Variants in EIF3K observed in about 807,000 individuals in gnomAD.
EIF3K encodes the protein eukaryotic translation initiation factor 3 subunit K, also known as eIF-3 p28.
Under a neutral mutation model 34.2 loss-of-function variants are expected in EIF3K, and 27 were observed. The ratio of observed to expected loss-of-function variants is 0.79; its 90% CI spans 0.58 to 1.09. The LOEUF (loss-of-function observed/expected upper bound fraction) is 1.09. Ranked by LOEUF, EIF3K falls within the 50% of genes least tolerant of loss-of-function variation. The pLI is 0.00. For missense variants in EIF3K, 232 were observed against 275.4 expected (o/e 0.84, Z 1.11); for synonymous variants, 105 against 105.7 (o/e 0.99, Z 0.04).
chr19:38,636,713 T>G (rs1471395835), intron 7 of EIF3K, among the ~76,000 whole-genome samples, 176 bp from the exon 8 acceptor site: 1 of 152,154 alleles, frequency 6.6e-6, no homozygotes, highest in Non-Finnish European at 1.5e-5. Flanking sequence ...AACCTAGCCC[T>G]CCTTGCTCCA....
At chr19:38,631,809 A>G (rs1043853329) in intron 4 of EIF3K, among the ~76,000 whole-genome samples, 1 of 152,220 alleles carries the variant, frequency 6.6e-6, no homozygotes, top group Non-Finnish European at 1.5e-5. Flanking sequence ...GGTCTTCCGC[A>G]GTGTTTGTGT....
In EIF3K at chr19:38,634,221, C is replaced by T. The variant is rs553342748; in HGVS notation, c.500-772C>T. Among the ~76,000 whole-genome samples the T allele has an allele frequency of 9.7e-4, 145 of 149,000 alleles. 2 individuals carry two copies. Among genetic ancestry groups the T allele is most frequent in the African/African-American group, 3.5e-3 (142 of 40,620 alleles). On this transcript the variant is annotated intron_variant, in intron 6 of 7. Coordinates refer to ENST00000248342, the MANE Select transcript of EIF3K (RefSeq NM_013234.4). ...AAACAATTCTCCTGCCTCAGCCTTC[C>T]AAATAGCTGAGACTATAGGCCTCTG... is the stretch of plus-strand genomic sequence containing the variant.
intron 2 of EIF3K, 90 bp downstream of exon 2, chr19:38,620,525 C>T: frequency 9.4e-7 from 1 of 1,068,490 alleles, no homozygotes; most frequent in Non-Finnish European, 1.4e-6. Context: ...CTGGTAGTAT[C>T]CTGAACAATG....
rs530376916 is a variant in EIF3K, at chr19:38,633,775, C to G, written c.499+1097C>G. Among the ~76,000 whole-genome samples, 3 of 152,036 alleles carry G rather than the reference C, an allele frequency of 2.0e-5. No individual in the cohort carries two copies. The South Asian group carries it at 6.2e-4, about 32-fold the overall frequency. ...ATCACGTGAGGTCAGGAGTTCGAGA[C>G]CAGCCTGGCCAACATGGGGAAACCC... On this transcript the variant is annotated intron_variant, in intron 6 of 7. Coordinates refer to ENST00000248342, the MANE Select transcript of EIF3K (RefSeq NM_013234.4).
At chr19:38,629,711 T>A (rs900063194) in intron 4 of EIF3K, among the ~76,000 whole-genome samples, 1 of 152,108 alleles carries the variant, frequency 6.6e-6, no homozygotes, top group African/African-American at 2.4e-5. Context: ...AGCAGAAATC[T>A]GAAGGAGGTG....
chr19:38,619,205 C>A lies in EIF3K; in HGVS notation c.-64C>A. On this transcript the variant is annotated 5_prime_UTR_variant, in exon 1 of 8. Coordinates refer to ENST00000248342, the MANE Select transcript of EIF3K (RefSeq NM_013234.4). ...TCCACCACCTCTTCCTGTTCCCGTC[C>A]TTGAGGACGCCGTGCCGGGTCAGTG... The A allele has an allele frequency of 6.3e-7, 1 of 1,584,352 alleles. No homozygotes were observed. The highest frequency in any genetic ancestry group is 8.6e-7 in the Non-Finnish European group (1 of 1,156,654).
chr19:38,634,546 C>G (rs1383185641), intron 6 of EIF3K, among the ~76,000 whole-genome samples: 1 of 151,100 alleles, frequency 6.6e-6, no homozygotes, highest in Non-Finnish European at 1.5e-5. Flanking sequence ...TGCAGTGAGC[C>G]GAGATTGCGC....
intron 4 of EIF3K, among the ~76,000 whole-genome samples, chr19:38,630,347 ATT>A (rs71165567): frequency 4.0e-5 from 5 of 124,320 alleles, no homozygotes; most frequent in Non-Finnish European, 5.2e-5. Context: ...TTATTTATTT[ATT>A]TTTTTTTTTT....
intron 4 of EIF3K, among the ~76,000 whole-genome samples, chr19:38,626,963 A>G (rs1975963676): frequency 6.6e-6 from 1 of 151,832 alleles, no homozygotes; most frequent in African/African-American, 2.4e-5. Flanking sequence ...ATCATGCCCA[A>G]CTAAATTTTA....
chr19:38,619,405 C>A, intron 1 of EIF3K, 78 bp downstream of exon 1: 1 of 1,547,034 alleles, frequency 6.5e-7, no homozygotes, highest in East Asian at 2.3e-5. Context: ...AAGGGGTGTT[C>A]AGGGTCCTGG....
chr19:38,624,111 G>A lies in EIF3K; in HGVS notation c.193G>A (p.Val65Ile). Residue 65 changes from valine to isoleucine, a missense_variant, in exon 3 of 8, where the codon GTC (valine) becomes ATC (isoleucine). Transcript: ENST00000248342. Reference protein sequence around the residue: ...QFNPAFFQTTVTAQILLKALT... With the variant: ...QFNPAFFQTTITAQILLKALT... ...CAACCCAGCCTTCTTTCAGACCACG[G>A]TCACCGCCCAGATCCTGCTGAAGGC... is the stretch of plus-strand genomic sequence containing the variant. The A allele has an allele frequency of 6.2e-7, 1 of 1,614,142 alleles. No homozygotes were observed.
intron 4 of EIF3K, among the ~76,000 whole-genome samples, chr19:38,631,568 A>G (rs1305600704): frequency 6.6e-6 from 1 of 152,172 alleles, no homozygotes; most frequent in Non-Finnish European, 1.5e-5. Context: ...ATCGGGTTTT[A>G]CACGAGACAT....
At chr19:38,620,975 GA>G (rs1182059793) in intron 2 of EIF3K, among the ~76,000 whole-genome samples, 2 of 152,160 alleles carry the variant, frequency 1.3e-5, no homozygotes, top group Non-Finnish European at 2.9e-5. Context: ...GCTGAGGCGA[GA>G]GACTCACTTG....
chr19:38,632,574 C>T, intron 5 of EIF3K, 27 bp from the exon 6 acceptor site: 3 of 1,613,464 alleles, frequency 1.9e-6, no homozygotes, highest in Non-Finnish European at 1.7e-6. Flanking sequence ...GACAGCTGCT[C>T]ACCGGTTTTG....
chr19:38,629,862 G>A (rs1367542516), intron 4 of EIF3K, among the ~76,000 whole-genome samples: 1 of 152,152 alleles, frequency 6.6e-6, no homozygotes, highest in Non-Finnish European at 1.5e-5. Context: ...AGGGCACAGA[G>A]GTGACAGGCA....
At position 38,635,116 on chromosome 19, in the gene EIF3K, A is replaced by C; in HGVS notation, c.623A>C (p.Asp208Ala). 6.2e-7 allele frequency: 1 copy of C among 1,614,202 alleles called. No individual in the cohort carries two copies. Among genetic ancestry groups the C allele is most frequent in the Non-Finnish European group, 8.5e-7 (1 of 1,180,032 alleles). ...PKNIVEKIDFDSVSSIMASSQ is the reference protein window; with the variant it reads ...PKNIVEKIDFASVSSIMASSQ ...AACATTGTGGAGAAGATTGACTTTG[A>C]CAGTGAGTGGTGACCCACGGCCTCG... The change falls in exon 7 of 8, where the codon GAC (aspartate) becomes GCC (alanine). Residue 208 changes from aspartate (D) to alanine (A), a missense_variant and splice_region_variant. By Grantham distance (126) the Asp-to-Ala change is moderately radical. Coordinates refer to ENST00000248342, the MANE Select transcript of EIF3K (RefSeq NM_013234.4).
At chr19:38,619,468 G>A in intron 1 of EIF3K, 141 bp downstream of exon 1, 1 of 942,848 alleles carries the variant, frequency 1.1e-6, no homozygotes, top group South Asian at 1.5e-5. Flanking sequence ...GATGCTTAAA[G>A]AAACGGCACT....
In EIF3K at chr19:38,632,657, G is replaced by C. The variant is rs759935141; in HGVS notation, c.478G>C (p.Glu160Gln). ...GCACATTGACCGCTGGCTGCTGGCC[G>C]AGATGCTCGGGGATCTGTCGGGTAA... ...YQHIDRWLLA[E>Q]MLGDLSDSQL... is the part of the protein sequence containing the mutation. The change falls in exon 6 of 8, where the codon GAG (glutamate) becomes CAG (glutamine). Residue 160 changes from glutamate to glutamine, a missense_variant. Transcript: ENST00000248342. 2 of 1,613,434 alleles carry C rather than the reference G, an allele frequency of 1.2e-6. No individual in the cohort carries two copies. Among genetic ancestry groups the C allele is most frequent in the South Asian group, 1.1e-5 (1 of 90,980 alleles).
At chr19:38,621,215 A>G (rs1382886776) in intron 2 of EIF3K, among the ~76,000 whole-genome samples, 1 of 148,616 alleles carries the variant, frequency 6.7e-6, no homozygotes, top group Non-Finnish European at 1.5e-5. Context: ...AAAAAAAAAA[A>G]AAGAATTACC....
Sources: allele counts gnomAD v4.1 joint callset (sites outside exome capture counted in the v4.1 genomes callset), GRCh38; gene constraint gnomAD v4.1.1; transcripts MANE v1.5; gene names NCBI Gene and HGNC (gene_info 2026-07-23, HGNC 2026-07-21).